Variants in TAFA2 observed in about 807,000 individuals in gnomAD.
TAFA2 encodes the protein chemokine-like protein TAFA-2.
In TAFA2, 7 loss-of-function variants were observed where a neutral mutation model predicts 18.8. The observed-to-expected ratio is 0.37, with a 90% CI of 0.21 to 0.70. The LOEUF (loss-of-function observed/expected upper bound fraction) is 0.70, where lower values mean the gene tolerates loss of function less well. TAFA2 is among the 30% of genes least tolerant of loss of function. The probability of loss-of-function intolerance (pLI) is 0.53; values close to 1 mark genes in which losing one functional copy is unlikely to be tolerated. For synonymous variants in TAFA2, 60 were observed against 54.2 expected (o/e 1.11, Z -0.47); for missense variants, 122 against 158.1 (o/e 0.77, Z 1.23).
At chr12:62,033,919 T>G (rs1428621684) in intron 1 of TAFA2, among the ~76,000 whole-genome samples, 1 of 152,188 alleles carries the variant, frequency 6.6e-6, no homozygotes, top group Non-Finnish European at 1.5e-5. Flanking sequence ...AAGTTTGTAT[T>G]TATTTTAAGC....
At chr12:61,755,961 A>G (rs1177802565) in intron 2 of TAFA2, among the ~76,000 whole-genome samples, 2 of 152,116 alleles carry the variant, frequency 1.3e-5, no homozygotes, top group East Asian at 1.9e-4. Context: ...GCTTTCAGTA[A>G]TTTTAAAAGT....
intron 1 of TAFA2, among the ~76,000 whole-genome samples, chr12:61,924,483 C>G (rs903311291): frequency 1.3e-5 from 2 of 152,278 alleles, no homozygotes; most frequent in Admixed American, 1.3e-4. Flanking sequence ...CATATCCAGT[C>G]AAACTAAGCT....
chr12:61,955,100 T>A (rs1592511375), intron 1 of TAFA2, among the ~76,000 whole-genome samples: 1 of 152,126 alleles, frequency 6.6e-6, no homozygotes, highest in African/African-American at 2.4e-5. Context: ...TTACTAAAAA[T>A]GTTGAGTCTT....
chr12:61,871,177 A>G (rs1433470163), intron 1 of TAFA2, among the ~76,000 whole-genome samples: 1 of 152,240 alleles, frequency 6.6e-6, no homozygotes, highest in Non-Finnish European at 1.5e-5. Context: ...CCAATCTTCA[A>G]TGTGTTTTAT....
intron 1 of TAFA2, among the ~76,000 whole-genome samples, chr12:61,887,054 G>C (rs1296078573): frequency 1.3e-5 from 2 of 152,330 alleles, no homozygotes; most frequent in Middle Eastern, 3.4e-3. Context: ...AGCAGGACCT[G>C]CTCATAATAA....
intron 1 of TAFA2, among the ~76,000 whole-genome samples, chr12:61,951,964 A>G (rs1281742976): frequency 6.6e-6 from 1 of 152,178 alleles, no homozygotes; most frequent in East Asian, 1.9e-4. Context: ...AAACAATGTA[A>G]TTACCAAAGA....
chr12:62,125,461 A>G lies in TAFA2; in HGVS notation c.-2+65798T>C, dbSNP rs750929934. Among the ~76,000 whole-genome samples, 22 of 152,208 alleles carry G rather than the reference A, an allele frequency of 1.4e-4. 1 individual carries two copies. The highest frequency in any genetic ancestry group is 6.8e-3 in the Middle Eastern group (2 of 294). ...AACCTCAGCATTCACAGACGAAGAC[A>G]CTCATCTTACCGTCGTGAAGAATTT... On this transcript the variant is annotated intron_variant, in intron 1 of 4. Transcript: ENST00000416284.
intron 1 of TAFA2, among the ~76,000 whole-genome samples, chr12:61,902,589 C>T (rs1229495716): frequency 1.1e-4 from 16 of 152,252 alleles, no homozygotes; most frequent in East Asian, 3.9e-4. Context: ...TTTGCTCTTC[C>T]GGCTGACCTC....
At chr12:62,155,629 A>G (rs151326343) in intron 1 of TAFA2, among the ~76,000 whole-genome samples, 3,735 of 152,130 alleles carry the variant, frequency 0.025, 163 homozygotes, top group East Asian at 0.12. Flanking sequence ...AGAGAACCCA[A>G]AATAAACCCA....
At chr12:61,952,254 T>C (rs998627671) in intron 1 of TAFA2, among the ~76,000 whole-genome samples, 4 of 152,120 alleles carry the variant, frequency 2.6e-5, no homozygotes, top group Non-Finnish European at 5.9e-5. Context: ...ATGTCCCACC[T>C]ATTAATATTT....
chr12:62,106,363 C>T (rs1197788356), intron 1 of TAFA2, among the ~76,000 whole-genome samples: 1 of 151,090 alleles, frequency 6.6e-6, no homozygotes, highest in Non-Finnish European at 1.5e-5. Context: ...AAAACAAAAA[C>T]AAAAAAACAA....
At chr12:62,162,942 A>G (rs2062415540) in intron 1 of TAFA2, among the ~76,000 whole-genome samples, 2 of 152,050 alleles carry the variant, frequency 1.3e-5, no homozygotes, top group African/African-American at 2.4e-5. Flanking sequence ...AGATTTATCC[A>G]AAGGCATAAA....
At chr12:61,871,985 G>A (rs914616284) in intron 1 of TAFA2, among the ~76,000 whole-genome samples, 3 of 152,124 alleles carry the variant, frequency 2.0e-5, no homozygotes, top group Admixed American at 1.3e-4. Context: ...CTAGCTACTC[G>A]GGAGGCTGAG....
intron 1 of TAFA2, among the ~76,000 whole-genome samples, chr12:62,160,655 C>T (rs1317485640): frequency 6.6e-6 from 1 of 152,186 alleles, no homozygotes; most frequent in African/African-American, 2.4e-5. Flanking sequence ...CTGACTTCCT[C>T]AACATGATCA....
At chr12:62,197,171 C>A (rs12582117), upstream of TAFA2, among the ~76,000 whole-genome samples, 25,666 of 152,154 alleles carry the variant, frequency 0.17, 2,364 homozygotes, top group African/African-American at 0.25. Flanking sequence ...AAATTATCCC[C>A]CACCAACTGT....
At chr12:62,030,816 A>G (rs992320884) in intron 1 of TAFA2, among the ~76,000 whole-genome samples, 1 of 152,116 alleles carries the variant, frequency 6.6e-6, no homozygotes, top group African/African-American at 2.4e-5. Flanking sequence ...TAAGGACACA[A>G]TGAAATTTGT....
intron 1 of TAFA2, among the ~76,000 whole-genome samples, chr12:62,220,334 T>G (rs1230093973): frequency 6.6e-6 from 1 of 151,926 alleles, no homozygotes; most frequent in Non-Finnish European, 1.5e-5. Context: ...TAAAAATATC[T>G]AAAACAATAA....
At chr12:61,869,619 A>G (rs1372837195) in intron 1 of TAFA2, among the ~76,000 whole-genome samples, 3 of 152,184 alleles carry the variant, frequency 2.0e-5, no homozygotes, top group Non-Finnish European at 4.4e-5. Flanking sequence ...ACATTTTCCA[A>G]GAACCTCCTC....
chr12:61,917,546 C>T (rs1412720744), intron 1 of TAFA2, among the ~76,000 whole-genome samples: 1 of 152,102 alleles, frequency 6.6e-6, no homozygotes, highest in East Asian at 1.9e-4. Context: ...AACTTCCCCT[C>T]CCGTGCCCAC....
Sources: allele counts gnomAD v4.1 joint callset (sites outside exome capture counted in the v4.1 genomes callset), GRCh38; gene constraint gnomAD v4.1.1; transcripts MANE v1.5; gene names NCBI Gene and HGNC (gene_info 2026-07-23, HGNC 2026-07-21).